PPM1H: variants seen among roughly 807,000 people sequenced by gnomAD.
PPM1H encodes the protein protein phosphatase, Mg2+/Mn2+ dependent 1H, also known as protein phosphatase 1H.
PPM1H carries 27 observed loss-of-function variants against 54.9 expected under a neutral mutation model. The ratio of observed to expected loss-of-function variants is 0.49; its 90% CI spans 0.36 to 0.68. The LOEUF is 0.68. PPM1H is among the 30% of genes least tolerant of loss of function. The probability of loss-of-function intolerance (pLI) is 0.00; values close to 1 mark genes in which losing one functional copy is unlikely to be tolerated. For missense variants in PPM1H, 596 were observed against 667.8 expected (o/e 0.89, Z 1.19); for synonymous variants, 305 against 270.8 (o/e 1.13, Z -1.24).
chr12:62,772,831 G>A (rs1047074566), intron 4 of PPM1H, among the ~76,000 whole-genome samples: 2 of 152,176 alleles, frequency 1.3e-5, no homozygotes, highest in Non-Finnish European at 2.9e-5. Context: ...AGTAGCGGGA[G>A]GCGCCAAGAG....
chr12:62,791,685 C>T lies in PPM1H; in HGVS notation c.757-3347G>A, dbSNP rs1382022170. Among the ~76,000 whole-genome samples, 3 of 152,200 alleles carry T rather than the reference C, an allele frequency of 2.0e-5. No individual in the cohort carries two copies. In the East Asian group the frequency reaches 5.8e-4, roughly 29 times the overall value. ...CCTGTAATCCCAGCCCTTTGGGAGGCTCAGGCAGGTGGATCACCTGAGGTC... is the reference window on the plus strand; with the variant it reads ...CCTGTAATCCCAGCCCTTTGGGAGGTTCAGGCAGGTGGATCACCTGAGGTC... On this transcript the variant is annotated intron_variant, in intron 3 of 9. Coordinates refer to ENST00000228705, the MANE Select transcript of PPM1H (RefSeq NM_020700.2).
At chr12:62,899,457 A>G (rs1871092069) in intron 1 of PPM1H, among the ~76,000 whole-genome samples, 1 of 152,194 alleles carries the variant, frequency 6.6e-6, no homozygotes, top group Admixed American at 6.5e-5. Flanking sequence ...CTGAAACTAG[A>G]TGGTAAATCA....
In PPM1H at chr12:62,667,207, A is replaced by C. The variant is rs2075924019; in HGVS notation, c.1368T>G (p.Leu456=). ...GAGGATCATCTGGATCACAGTTAGG[A>C]AGAAACTGAGTGATTGCTTCTGCTA... ...EEVAEAITQF[L]PNCDPDDPHR... is the part of the protein sequence containing the mutation. The change falls in exon 9 of 10, where the codon CTT becomes CTG. Residue 456 remains leucine, a synonymous_variant. Coordinates refer to ENST00000228705, the MANE Select transcript of PPM1H (RefSeq NM_020700.2). 1.2e-6 allele frequency: 2 copies of C among 1,601,750 alleles called. No homozygotes were observed. The highest frequency in any genetic ancestry group is 1.7e-6 in the Non-Finnish European group (2 of 1,169,024).
chr12:62,895,995 C>T (rs925641568), intron 1 of PPM1H, among the ~76,000 whole-genome samples: 1 of 151,894 alleles, frequency 6.6e-6, no homozygotes, highest in African/African-American at 2.4e-5. Flanking sequence ...TTTAATAAGC[C>T]CTATAGGTGA....
chr12:62,804,351 CA>C (rs371143962), intron 2 of PPM1H, among the ~76,000 whole-genome samples: 11 of 137,604 alleles, frequency 8.0e-5, no homozygotes, highest in East Asian at 4.1e-4. Flanking sequence ...GACCCTGTCT[CA>C]AAAAAAAAAG....
At chr12:62,896,395 A>G (rs1870988720) in intron 1 of PPM1H, among the ~76,000 whole-genome samples, 1 of 152,214 alleles carries the variant, frequency 6.6e-6, no homozygotes, top group Admixed American at 6.5e-5. Context: ...ACTTAAACAA[A>G]TTTACAAGAA....
chr12:62,681,798 T>C (rs1361051231), intron 8 of PPM1H, among the ~76,000 whole-genome samples: 1 of 152,158 alleles, frequency 6.6e-6, no homozygotes, highest in Non-Finnish European at 1.5e-5. Flanking sequence ...AGTGCTCTAC[T>C]CAGTAAACAC....
rs763093505 is a variant in PPM1H, at chr12:62,689,702, T to C, written c.1242A>G (p.Pro414=). The change falls in exon 8 of 10, where the codon CCA becomes CCG. Residue 414 remains proline (P), a synonymous_variant. Coordinates refer to ENST00000228705, the MANE Select transcript of PPM1H (RefSeq NM_020700.2). ...AAACAAAAACCTCATGCGGTACCTC[T>C]GGAGCTGAAGACAGGAATGGTTTAA... ...IYIKPFLSSA[P]EVRIYDLSKY... is the part of the protein sequence containing the mutation. The C allele has an allele frequency of 3.6e-5, 58 of 1,612,402 alleles. No individual in the cohort carries two copies. In the South Asian group the frequency reaches 5.9e-4, roughly 17 times the overall value.
intron 8 of PPM1H, among the ~76,000 whole-genome samples, chr12:62,682,655 C>T (rs1031066572): frequency 1.3e-5 from 2 of 152,126 alleles, no homozygotes; most frequent in African/African-American, 4.8e-5. Flanking sequence ...AGGTGTGCAC[C>T]ACTATGCCCG....
rs567775927 is a variant in PPM1H, at chr12:62,673,715, C to CTTTTTTTTTTTTTTTTTTT, written c.1246-6405_1246-6387dup. Among the ~76,000 whole-genome samples the CTTTTTTTTTTTTTTTTTTT allele has an allele frequency of 3.4e-3, 143 of 41,964 alleles. 40 individuals carry two copies. The highest frequency in any genetic ancestry group is 8.0e-3 in the Admixed American group (17 of 2,136). The allele number at this position is 41,964 out of a possible 152,430, so 27.5% of individuals were successfully genotyped here. A position where few individuals can be genotyped will look rare whatever the true frequency, so the allele number is the denominator to read the frequency against. The stretch of plus-strand genomic sequence containing the variant: ...GCTTTGTGACTTGAGAAGAGCCACT[C>CTTTTTTTTTTTTTTTTTTT]TTTTTTTTTTTTTTTTTTTTTTTTT... On this transcript the variant is annotated intron_variant, in intron 8 of 9. Coordinates refer to ENST00000228705, the MANE Select transcript of PPM1H (RefSeq NM_020700.2).
intron 7 of PPM1H, 103 bp downstream of exon 7, chr12:62,693,833 A>G (rs2076097390): frequency 9.7e-7 from 1 of 1,033,172 alleles, no homozygotes; most frequent in Non-Finnish European, 1.4e-6. Context: ...AGGCTATAAA[A>G]TCACAAGCTG....
chr12:62,893,522 T>A (rs1217255730), intron 1 of PPM1H, among the ~76,000 whole-genome samples: 1 of 152,088 alleles, frequency 6.6e-6, no homozygotes, highest in Non-Finnish European at 1.5e-5. Context: ...AATGACATGA[T>A]CATGGCTCAC....
chr12:62,858,111 C>G (rs986331336), intron 1 of PPM1H, among the ~76,000 whole-genome samples: 1 of 152,014 alleles, frequency 6.6e-6, no homozygotes, highest in African/African-American at 2.4e-5. Flanking sequence ...CTACCACTCC[C>G]CAGATAATCT....
At chr12:62,854,703 A>C (rs1360075890) in intron 1 of PPM1H, among the ~76,000 whole-genome samples, 1 of 145,864 alleles carries the variant, frequency 6.9e-6, no homozygotes, top group Non-Finnish European at 1.5e-5. Context: ...ATCACATCAA[A>C]GCTTTACTTT....
At chr12:62,814,478 A>G (rs2076854017) in intron 2 of PPM1H, among the ~76,000 whole-genome samples, 5 of 152,158 alleles carry the variant, frequency 3.3e-5, no homozygotes, top group Admixed American at 3.3e-4. Flanking sequence ...TTGGTCTCCC[A>G]ATGCTGTGAA....
chr12:62,746,899 T>C (rs1017011831), intron 4 of PPM1H, among the ~76,000 whole-genome samples: 5 of 152,238 alleles, frequency 3.3e-5, no homozygotes, highest in African/African-American at 7.2e-5. Context: ...TGTCACTGGC[T>C]ACAGCTATAG....
At chr12:62,848,321 TATGA>T (rs1248596323) in intron 1 of PPM1H, among the ~76,000 whole-genome samples, 1 of 152,214 alleles carries the variant, frequency 6.6e-6, no homozygotes, top group Non-Finnish European at 1.5e-5. Context: ...AAACTTGATA[TATGA>T]ATTAACCAAA....
At chr12:62,884,322 A>T (rs1203587163) in intron 1 of PPM1H, among the ~76,000 whole-genome samples, 1 of 141,598 alleles carries the variant, frequency 7.1e-6, no homozygotes, top group East Asian at 2.1e-4. Context: ...TCCTGTCTTG[A>T]CAAAAGCACC....
At chr12:62,838,616 T>A (rs1398522678) in intron 1 of PPM1H, among the ~76,000 whole-genome samples, 1 of 151,988 alleles carries the variant, frequency 6.6e-6, no homozygotes, top group Non-Finnish European at 1.5e-5. Flanking sequence ...AGTCAAAACA[T>A]CCATCAAGAA....
Sources: allele counts gnomAD v4.1 joint callset (sites outside exome capture counted in the v4.1 genomes callset), GRCh38; gene constraint gnomAD v4.1.1; transcripts MANE v1.5; gene names NCBI Gene and HGNC (gene_info 2026-07-23, HGNC 2026-07-21).